The following NAALADL2 variants were observed in gnomAD, a reference collection of about 807,000 sequenced individuals.
The protein encoded by NAALADL2 is N-acetylated alpha-linked acidic dipeptidase like 2, also known as inactive N-acetylated-alpha-linked acidic dipeptidase-like protein 2.
NAALADL2 carries 76 observed loss-of-function variants against 87.2 expected under a neutral mutation model. That is an observed-to-expected ratio of 0.87 (90% confidence interval 0.72 to 1.05). The LOEUF is 1.05. Among genes scored for constraint, NAALADL2 ranks in the 50% least tolerant of loss-of-function variants. The pLI, the probability that NAALADL2 is intolerant of heterozygous loss-of-function variation, is 0.00. For synonymous variants in NAALADL2, 354 were observed against 331.0 expected (o/e 1.07, Z -0.75); for missense variants, 1,089 against 945.8 (o/e 1.15, Z -1.99).
chr3:175,488,039 T>C (rs1727552195), intron 9 of NAALADL2, among the ~76,000 whole-genome samples: 1 of 152,154 alleles, frequency 6.6e-6, no homozygotes, highest in South Asian at 2.1e-4. Context: ...AAAGCTGACA[T>C]TATTGAAATG....
At chr3:175,318,585 A>G (rs1333275832) in intron 4 of NAALADL2, among the ~76,000 whole-genome samples, 3 of 152,164 alleles carry the variant, frequency 2.0e-5, no homozygotes, top group African/African-American at 4.8e-5. Flanking sequence ...ACAGAATGCC[A>G]CTCTTAACAT....
chr3:174,875,094 C>T (rs895983532), intron 1 of NAALADL2, among the ~76,000 whole-genome samples: 6 of 43,018 alleles, frequency 1.4e-4, no homozygotes, highest in Non-Finnish European at 2.6e-4. Context: ...GCCTGGGTGA[C>T]AAAATGAGAC....
chr3:175,223,028 T>A (rs1445303139), intron 2 of NAALADL2, among the ~76,000 whole-genome samples: 4 of 152,060 alleles, frequency 2.6e-5, no homozygotes, highest in African/African-American at 9.7e-5. Flanking sequence ...TGATTTCATA[T>A]ATGTAGACAT....
chr3:174,790,531 C>A (rs1042136219), intron 3 of NAALADL2, among the ~76,000 whole-genome samples: 2 of 151,776 alleles, frequency 1.3e-5, no homozygotes, highest in Non-Finnish European at 2.9e-5. Flanking sequence ...GCCTTTAATC[C>A]CAGCTACTCA....
At chr3:175,305,975 T>C (rs1176863548) in intron 4 of NAALADL2, among the ~76,000 whole-genome samples, 1 of 152,132 alleles carries the variant, frequency 6.6e-6, no homozygotes, top group Non-Finnish European at 1.5e-5. Flanking sequence ...TTTAAGATTT[T>C]TTTGATAAAA....
At chr3:174,482,064 C>T (rs780395642) in intron 1 of NAALADL2, among the ~76,000 whole-genome samples, 3 of 152,070 alleles carry the variant, frequency 2.0e-5, no homozygotes, top group Non-Finnish European at 4.4e-5. Flanking sequence ...ACTTCATAGG[C>T]AGACCTTTTT....
intron 5 of NAALADL2, among the ~76,000 whole-genome samples, chr3:175,352,457 G>T (rs934070235): frequency 6.6e-6 from 1 of 152,066 alleles, no homozygotes; most frequent in African/African-American, 2.4e-5. Flanking sequence ...AGATAATTTT[G>T]TCCAGAGTTA....
At chr3:175,375,689 T>A (rs1767047142) in intron 5 of NAALADL2, among the ~76,000 whole-genome samples, 1 of 152,154 alleles carries the variant, frequency 6.6e-6, no homozygotes, top group Non-Finnish European at 1.5e-5. Context: ...AGATAATATA[T>A]AGTGAATTCC....
rs778470578 is a variant in NAALADL2, at chr3:175,265,507, C to T, written c.939+8977C>T. ...ATTTTCTCTTTTTGTCTGACTGTCTCTTGATAAATATTGCTTAATTATTAT... is the reference window on the plus strand; with the variant it reads ...ATTTTCTCTTTTTGTCTGACTGTCTTTTGATAAATATTGCTTAATTATTAT... On this transcript the variant is annotated intron_variant, in intron 4 of 13. Transcript: ENST00000454872. Among the ~76,000 whole-genome samples the T allele has an allele frequency of 5.9e-5, 9 of 151,562 alleles. 1 individual carries two copies. The highest frequency in any genetic ancestry group is 1.2e-4 in the Non-Finnish European group (8 of 67,608).
At chr3:175,171,548 T>C (rs962730036) in intron 2 of NAALADL2, among the ~76,000 whole-genome samples, 1 of 152,142 alleles carries the variant, frequency 6.6e-6, no homozygotes, top group Admixed American at 6.6e-5. Flanking sequence ...TAGATATTTG[T>C]TCATTATTTA....
At chr3:175,751,775 G>A (rs996685705) in intron 12 of NAALADL2, among the ~76,000 whole-genome samples, 11 of 151,872 alleles carry the variant, frequency 7.2e-5, no homozygotes, top group African/African-American at 1.7e-4. Flanking sequence ...TTTTAAACCC[G>A]TACTATGAAC....
chr3:175,786,004 C>A (rs868520415), intron 13 of NAALADL2, among the ~76,000 whole-genome samples: 1 of 151,160 alleles, frequency 6.6e-6, no homozygotes, highest in Non-Finnish European at 1.5e-5. Context: ...GTTGAAAATT[C>A]TTTTAAGAAT....
chr3:174,753,734 C>T (rs1711575498), intron 3 of NAALADL2, among the ~76,000 whole-genome samples: 2 of 152,146 alleles, frequency 1.3e-5, no homozygotes, highest in Non-Finnish European at 2.9e-5. Context: ...TTTGTTCCAG[C>T]AAAGTCCCCA....
At chr3:174,522,933 C>CAAAAAAA (rs57653560) in intron 1 of NAALADL2, among the ~76,000 whole-genome samples, 1 of 75,838 alleles carries the variant, frequency 1.3e-5, no homozygotes, top group Non-Finnish European at 2.4e-5. Context: ...GACTCTGTCT[C>CAAAAAAA]AAAAAAAAAA....
chr3:175,677,455 G>A (rs1734956472), intron 11 of NAALADL2, among the ~76,000 whole-genome samples: 1 of 149,732 alleles, frequency 6.7e-6, no homozygotes, highest in Non-Finnish European at 1.5e-5. Flanking sequence ...TATTTTTTTG[G>A]TGGCTGATAA....
At chr3:174,497,888 A>G (rs1718643267) in intron 1 of NAALADL2, among the ~76,000 whole-genome samples, 1 of 152,166 alleles carries the variant, frequency 6.6e-6, no homozygotes, top group Non-Finnish European at 1.5e-5. Flanking sequence ...TATACCTGAT[A>G]AGTGATATCT....
intron 1 of NAALADL2, among the ~76,000 whole-genome samples, chr3:175,042,714 A>G (rs1007158246): frequency 1.3e-5 from 2 of 152,274 alleles, no homozygotes; most frequent in East Asian, 1.9e-4. Context: ...TCATATATCT[A>G]TTGATCACTT....
intron 9 of NAALADL2, among the ~76,000 whole-genome samples, chr3:175,540,541 T>C (rs1431702534): frequency 2.0e-5 from 3 of 151,850 alleles, no homozygotes; most frequent in Non-Finnish European, 4.4e-5. Context: ...TGTAGTTTAT[T>C]TTTTTTTAAA....
Position 175,227,694 on chromosome 3 carries a change from T to A in NAALADL2, c.546-6237T>A, listed in dbSNP as rs558450954. On this transcript the variant is annotated intron_variant, in intron 2 of 13. Transcript: ENST00000454872. ...TGTTGACATTCTCAATAAAATCTAT[T>A]TATTTTAACATTCTAAATGATTTGA... 2.0e-4 allele frequency among the ~76,000 whole-genome samples: 30 copies of A among 152,076 alleles called. 1 individual carries two copies. The East Asian group carries it at 4.1e-3, about 21-fold the overall frequency.
Sources: allele counts gnomAD v4.1 joint callset (sites outside exome capture counted in the v4.1 genomes callset), GRCh38; gene constraint gnomAD v4.1.1; transcripts MANE v1.5; gene names NCBI Gene and HGNC (gene_info 2026-07-23, HGNC 2026-07-21).